The following MAGEC3 variants were observed in gnomAD, a reference collection of about 807,000 sequenced individuals.
MAGEC3 encodes melanoma-associated antigen C3.
Under a neutral mutation model 35.3 loss-of-function variants are expected in MAGEC3, and 34 were observed. That is an observed-to-expected ratio of 0.96 (90% CI 0.73 to 1.28). The LOEUF is 1.28. Among genes scored for constraint, MAGEC3 ranks in the 50% most tolerant of loss-of-function variants. The pLI is 0.00. For missense variants in MAGEC3, 561 were observed against 483.6 expected (o/e 1.16, Z -1.50); for synonymous variants, 202 against 185.6 (o/e 1.09, Z -0.72).
chrX:141,840,710 A>G (rs769529274), intron 1 of MAGEC3, among the ~76,000 whole-genome samples: 2 of 110,444 alleles, frequency 1.8e-5, no homozygotes, highest in Admixed American at 1.9e-4. Flanking sequence ...AGCCTGATGT[A>G]TTAGCATTAG....
intron 1 of MAGEC3, chrX:141,838,983 T>C (rs1302845897): frequency 2.6e-6 from 1 of 387,746 alleles, no homozygotes; most frequent in Non-Finnish European, 3.3e-6. Flanking sequence ...GCGGGAGCTT[T>C]CTCCCTGAAG....
chrX:141,887,236 T>C (rs2018009283), intron 4 of MAGEC3, among the ~76,000 whole-genome samples: 1 of 112,408 alleles, frequency 8.9e-6, no homozygotes, highest in Non-Finnish European at 1.9e-5. Flanking sequence ...ACCTCAGGGG[T>C]ACATCCACTC....
chrX:141,839,454 C>T, intron 1 of MAGEC3: 1 of 752,498 alleles, frequency 1.3e-6, no homozygotes, highest in Non-Finnish European at 1.6e-6. Flanking sequence ...ATAAAAGCTT[C>T]ATTCACTCTG....
intron 1 of MAGEC3, among the ~76,000 whole-genome samples, chrX:141,840,990 G>A (rs1238313044): frequency 9.0e-6 from 1 of 111,125 alleles, no homozygotes; most frequent in Non-Finnish European, 1.9e-5. Flanking sequence ...ATTTAAGTAA[G>A]AGGAAGCATC....
At position 141,897,171 on chromosome X, in the gene MAGEC3, T is replaced by C. The variant is rs2018106526; in HGVS notation, c.1413T>C (p.Tyr471=). Residue 471 remains tyrosine (Y), a synonymous_variant, in exon 7 of 8, where the codon TAT becomes TAC. Transcript: ENST00000298296. The stretch of plus-strand genomic sequence containing the variant: ...TGGTGCAGTTTCTTCTCCTCAAATA[T>C]CAAACAAAAGAGCCTGTCACAAAGG... The part of the protein sequence containing the change: ...AELVQFLLLK[Y]QTKEPVTKAE... 1.7e-6 allele frequency: 2 copies of C among 1,211,810 alleles called. No individual in the cohort carries two copies. Among genetic ancestry groups the C allele is most frequent in the Non-Finnish European group, 2.2e-6 (2 of 895,545 alleles).
chrX:141,848,700 G>T (rs1170156537), intron 1 of MAGEC3, among the ~76,000 whole-genome samples: 1 of 110,980 alleles, frequency 9.0e-6, no homozygotes, highest in Non-Finnish European at 1.9e-5. Flanking sequence ...TGGTCATACT[G>T]CCCAAAGCGA....
rs1385977501 is a variant in MAGEC3 at position 141,895,538 on chromosome X, C to A, written c.1102C>A (p.Pro368Thr). The A allele has an allele frequency of 8.3e-7, 1 of 1,204,130 alleles. No individual in the cohort carries two copies. ...DGRRGLTEAS[P>T]QQKKGGEDED... ...CCGCCGAGGGCTGACCGAGGCGTCCCCACAACAGAAGAAGGGAGGAGGTGC... is the reference window on the plus strand; with the variant it reads ...CCGCCGAGGGCTGACCGAGGCGTCCACACAACAGAAGAAGGGAGGAGGTGC... The change falls in exon 6 of 8, where the codon CCA becomes ACA. Residue 368 changes from proline (P) to threonine (T), a missense_variant. By Grantham distance (38) the Pro-to-Thr change is conservative (BLOSUM62 -1). Coordinates refer to ENST00000298296, the MANE Select transcript of MAGEC3 (RefSeq NM_138702.1).
chrX:141,896,356 C>T (rs1376768052), intron 6 of MAGEC3: 2 of 807,176 alleles, frequency 2.5e-6, no homozygotes, highest in African/African-American at 4.2e-5. Flanking sequence ...GCCATAGCCA[C>T]CTACTGCCAT....
intron 4 of MAGEC3, chrX:141,894,752 G>A (rs977303461): frequency 3.1e-6 from 3 of 966,402 alleles, no homozygotes; most frequent in African/African-American, 2.0e-5. Flanking sequence ...AGGCCCAGGC[G>A]TCGCCCAGCC....
chrX:141,883,479 A>G (rs1485408898), intron 4 of MAGEC3, among the ~76,000 whole-genome samples: 1 of 112,113 alleles, frequency 8.9e-6, no homozygotes, highest in African/African-American at 3.2e-5. Context: ...GGCATCTTCA[A>G]ACACTCTCAA....
rs983637745 is a variant in MAGEC3, at chrX:141,844,097, A to G, written c.123+5659A>G. On this transcript the variant is annotated intron_variant, in intron 1 of 7. Coordinates refer to ENST00000298296, the MANE Select transcript of MAGEC3 (RefSeq NM_138702.1). ...TTATTCTGACACTTTTCCGTCCGATATCATGTTTTTGAAATTCAATCCTGT... is the reference window on the plus strand; with the variant it reads ...TTATTCTGACACTTTTCCGTCCGATGTCATGTTTTTGAAATTCAATCCTGT... 3.6e-5 allele frequency among the ~76,000 whole-genome samples: 4 copies of G among 111,131 alleles called. No individual in the cohort carries two copies. In the East Asian group the frequency reaches 8.5e-4, roughly 24 times the overall value.
Position 141,848,540 on chromosome X carries a change from A to C in MAGEC3, c.123+10102A>C, listed in dbSNP as rs575300767. ...AGTTTCATTTAAAATAGCCAAACGA[A>C]AGTGAAATACCTAGAAATATATCTA... is the stretch of plus-strand genomic sequence containing the variant. On this transcript the variant is annotated intron_variant, in intron 1 of 7. Transcript: ENST00000298296. Among the ~76,000 whole-genome samples the C allele has an allele frequency of 3.3e-4, 37 of 111,327 alleles. No homozygotes were observed. The South Asian group carries it at 0.013, about 40-fold the overall frequency.
chrX:141,865,548 G>T lies in MAGEC3; in HGVS notation c.201G>T (p.Arg67Ser). Residue 67 changes from arginine (R) to serine (S), a missense_variant, in exon 2 of 8, where the codon AGG (arginine) becomes AGT (serine). Arg to Ser is a moderately radical substitution (Grantham distance 110). Coordinates refer to ENST00000298296, the MANE Select transcript of MAGEC3 (RefSeq NM_138702.1). The stretch of plus-strand genomic sequence containing the variant: ...TGAGGGAGGTGAGGCTTTTTCTGAG[G>T]GGTGGAACTTCAGATCAGCGAATGG... Reference protein sequence around the residue: ...GHLREVRLFLRGGTSDQRMDS... With the variant: ...GHLREVRLFLSGGTSDQRMDS... 8.3e-7 allele frequency: 1 copy of T among 1,205,854 alleles called. No individual in the cohort carries two copies. Among genetic ancestry groups the T allele is most frequent in the Non-Finnish European group, 1.1e-6 (1 of 892,915 alleles).
chrX:141,879,078 G>A, intron 2 of MAGEC3, 97 bp from the exon 3 acceptor site: 2 of 1,025,800 alleles, frequency 1.9e-6, no homozygotes, highest in Non-Finnish European at 1.3e-6. Context: ...GGAAGGCCAG[G>A]CGGTTTCCAG....
In MAGEC3 at chrX:141,884,075, A is replaced by G. The variant is rs147398981; in HGVS notation, c.909+2279A>G. Among the ~76,000 whole-genome samples, 365 of 113,020 alleles carry G rather than the reference A, an allele frequency of 3.2e-3. 1 individual carries two copies. The highest frequency in any genetic ancestry group is 0.011 in the African/African-American group (344 of 31,139). On this transcript the variant is annotated intron_variant, in intron 4 of 7. Transcript: ENST00000298296. ...AGAATTCTCAGTCTAAAGAGATTGTATTGTGTGATGGTTAATACTGAGTGT... is the reference window on the plus strand; with the variant it reads ...AGAATTCTCAGTCTAAAGAGATTGTGTTGTGTGATGGTTAATACTGAGTGT...
At chrX:141,871,876 G>A (rs1048425232) in intron 2 of MAGEC3, among the ~76,000 whole-genome samples, 3 of 108,814 alleles carry the variant, frequency 2.8e-5, no homozygotes, top group African/African-American at 6.7e-5. Context: ...GAGGGGCAAG[G>A]TTAGGGGCTA....
At chrX:141,847,659 T>C (rs1006450326) in intron 1 of MAGEC3, among the ~76,000 whole-genome samples, 1 of 111,491 alleles carries the variant, frequency 9.0e-6, no homozygotes, top group African/African-American at 3.2e-5. Context: ...GAAGAATGTC[T>C]TTAGCTGAAT....
At chrX:141,874,411 A>G (rs1336717936) in intron 2 of MAGEC3, among the ~76,000 whole-genome samples, 1 of 111,902 alleles carries the variant, frequency 8.9e-6, no homozygotes, top group Admixed American at 9.5e-5. Flanking sequence ...GAGAACAAAA[A>G]GGAAAAACGA....
intron 2 of MAGEC3, among the ~76,000 whole-genome samples, chrX:141,877,992 C>T (rs1468214846): frequency 9.0e-6 from 1 of 111,573 alleles, no homozygotes; most frequent in Admixed American, 9.5e-5. Flanking sequence ...TCTTACTTTT[C>T]ACGAAATTCT....
Sources: allele counts gnomAD v4.1 joint callset (sites outside exome capture counted in the v4.1 genomes callset), GRCh38; gene constraint gnomAD v4.1.1; transcripts MANE v1.5; gene names NCBI Gene and HGNC (gene_info 2026-07-23, HGNC 2026-07-21).